MAP3K13: variants seen among roughly 807,000 people sequenced by gnomAD.
MAP3K13 encodes mitogen-activated protein kinase kinase kinase 13.
In MAP3K13, 52 loss-of-function variants were observed where a neutral mutation model predicts 104.0. The ratio of observed to expected loss-of-function variants is 0.50; its 90% CI spans 0.40 to 0.63. The LOEUF is 0.63. Among genes scored for constraint, MAP3K13 ranks in the 20% least tolerant of loss-of-function variants. The pLI is 0.00. For synonymous variants in MAP3K13, 394 were observed against 442.2 expected (o/e 0.89, Z 1.37); for missense variants, 914 against 1,218.5 (o/e 0.75, Z 3.72).
intron 1 of MAP3K13, among the ~76,000 whole-genome samples, chr3:185,416,686 T>G (rs937475600): frequency 3.2e-4 from 49 of 152,132 alleles, no homozygotes; most frequent in African/African-American, 9.2e-4. Flanking sequence ...TGGAGTACAG[T>G]GGCGCAATCA....
intron 2 of MAP3K13, among the ~76,000 whole-genome samples, chr3:185,319,126 T>A (rs564363954): frequency 8.6e-5 from 13 of 151,850 alleles, no homozygotes; most frequent in South Asian, 8.4e-4. Flanking sequence ...TGCCTTTTTT[T>A]AAAAAAAAAT....
intron 2 of MAP3K13, among the ~76,000 whole-genome samples, chr3:185,331,452 T>TA (rs1449067797): frequency 6.6e-6 from 1 of 152,010 alleles, no homozygotes; most frequent in African/African-American, 2.4e-5. Context: ...TTTTATAAAT[T>TA]AAAAAATGTG....
At position 185,482,726 on chromosome 3, in the gene MAP3K13, T is replaced by G. The variant is rs1718535901; in HGVS notation, c.*270T>G. ...ATTGAATATTCTAGCTACTGTAACATTGATATTTATTTTTGTTTGACATTT... is the reference window on the plus strand; with the variant it reads ...ATTGAATATTCTAGCTACTGTAACAGTGATATTTATTTTTGTTTGACATTT... On this transcript the variant is annotated 3_prime_UTR_variant, in exon 14 of 14. Coordinates refer to ENST00000265026, the MANE Select transcript of MAP3K13 (RefSeq NM_004721.5). This position sits in a 1 kb window ranked among gnomAD's most constrained non-coding sequence, Gnocchi z 4.5. 1 of 354,486 alleles carries G rather than the reference T, an allele frequency of 2.8e-6. No homozygotes were observed. The allele number at this position is 354,486 out of a possible 1,614,324, so 22.0% of individuals were successfully genotyped here. A position where few individuals can be genotyped will look rare whatever the true frequency, so the allele number is the denominator to read the frequency against.
rs115727727 is a variant in MAP3K13, at chr3:185,434,420, A to G, written c.476-3027A>G. Among the ~76,000 whole-genome samples the G allele has an allele frequency of 9.0e-3, 1,372 of 152,316 alleles. 21 individuals carry two copies. The highest frequency in any genetic ancestry group is 0.031 in the African/African-American group (1,285 of 41,568). Reference sequence around the variant, plus strand: ...ACTGCCAACATGTTCATACCTTGCTATTGTGAGCGAAACTATCAAAATCCT... The same window carrying G: ...ACTGCCAACATGTTCATACCTTGCTGTTGTGAGCGAAACTATCAAAATCCT... On this transcript the variant is annotated intron_variant, in intron 2 of 13. Coordinates refer to ENST00000265026, the MANE Select transcript of MAP3K13 (RefSeq NM_004721.5).
chr3:185,395,235 C>T (rs1712310734), intron 1 of MAP3K13, among the ~76,000 whole-genome samples: 1 of 151,830 alleles, frequency 6.6e-6, no homozygotes, highest in African/African-American at 2.4e-5. Flanking sequence ...TCCACTATAC[C>T]AAACTACCAT....
intron 10 of MAP3K13, among the ~76,000 whole-genome samples, chr3:185,470,178 A>C (rs1480044256): frequency 2.0e-5 from 3 of 152,196 alleles, no homozygotes; most frequent in Non-Finnish European, 4.4e-5. Flanking sequence ...AAAACAAAAA[A>C]GTCTGGGCCC....
chr3:185,389,801 G>T (rs201283583), intron 1 of MAP3K13, among the ~76,000 whole-genome samples: 21 of 19,714 alleles, frequency 1.1e-3, no homozygotes, highest in Non-Finnish European at 2.6e-3. Flanking sequence ...AATTTGTTAA[G>T]TATTTATTAA....
At chr3:185,311,644 T>C (rs1721498440) in intron 2 of MAP3K13, among the ~76,000 whole-genome samples, 2 of 152,152 alleles carry the variant, frequency 1.3e-5, no homozygotes, top group Non-Finnish European at 2.9e-5. Flanking sequence ...GTCCCCCAAA[T>C]TGGTATGTAG....
chr3:185,308,015 T>TTC (rs1721360353), intron 2 of MAP3K13, among the ~76,000 whole-genome samples: 1 of 144,140 alleles, frequency 6.9e-6, no homozygotes, highest in African/African-American at 2.5e-5. Flanking sequence ...GGGTCTTTTT[T>TTC]TTTTTTTTTT....
At chr3:185,412,659 C>A (rs1713518907) in intron 1 of MAP3K13, among the ~76,000 whole-genome samples, 2 of 152,172 alleles carry the variant, frequency 1.3e-5, no homozygotes, top group South Asian at 4.1e-4. Context: ...CTCAGGACTA[C>A]TTCTGTGAGC....
chr3:185,306,292 A>G (rs1405703247), intron 2 of MAP3K13, among the ~76,000 whole-genome samples: 1 of 152,192 alleles, frequency 6.6e-6, no homozygotes, highest in Non-Finnish European at 1.5e-5. Context: ...TTGGATGTAT[A>G]CCCAGAAATG....
intron 2 of MAP3K13, chr3:185,328,978 T>TA (rs887486987): frequency 5.7e-5 from 23 of 400,386 alleles, no homozygotes; most frequent in African/African-American, 1.4e-4. Flanking sequence ...TAGTTTTTTT[T>TA]AAAAAAAACT....
chr3:185,388,362 T>C (rs1230120916), intron 1 of MAP3K13, among the ~76,000 whole-genome samples: 1 of 151,862 alleles, frequency 6.6e-6, no homozygotes, highest in Non-Finnish European at 1.5e-5. Flanking sequence ...AGTAGCCGGA[T>C]GTGGTGGCAT....
intron 1 of MAP3K13, among the ~76,000 whole-genome samples, chr3:185,369,367 T>C (rs1259483515): frequency 6.6e-6 from 1 of 152,238 alleles, no homozygotes; most frequent in East Asian, 1.9e-4. Context: ...AAAGAGAGTT[T>C]CTTCTAAGTC....
At position 185,485,939 on chromosome 3, in the gene MAP3K13, A is replaced by C. The variant is rs1331568316; in HGVS notation, c.*3483A>C. 1 of 152,188 alleles carries C rather than the reference A, an allele frequency of 6.6e-6. No individual in the cohort carries two copies. Among genetic ancestry groups the C allele is most frequent in the Admixed American group, 6.5e-5 (1 of 15,284 alleles). The allele number at this position is 152,188 out of a possible 1,614,324, so 9.4% of individuals were successfully genotyped here. ...ACTTAGAGGACCAACGACTGGAAAA[A>C]AATTCTTGAAAGGCTATATTTTCCA... On this transcript the variant is annotated 3_prime_UTR_variant, in exon 14 of 14. Transcript: ENST00000265026.
chr3:185,349,235 TG>T (rs1432424623), intron 2 of MAP3K13, among the ~76,000 whole-genome samples: 1 of 152,164 alleles, frequency 6.6e-6, no homozygotes, highest in African/African-American at 2.4e-5. Context: ...ATGCTAATAT[TG>T]AACTTAATAC....
chr3:185,314,163 T>C (rs891336779), intron 2 of MAP3K13, among the ~76,000 whole-genome samples: 2 of 152,216 alleles, frequency 1.3e-5, no homozygotes, highest in Non-Finnish European at 2.9e-5. Flanking sequence ...ATTCAAGCAC[T>C]CATTCTTTGG....
intron 7 of MAP3K13, among the ~76,000 whole-genome samples, chr3:185,458,881 A>G (rs568878906): frequency 6.6e-6 from 1 of 152,364 alleles, no homozygotes; most frequent in South Asian, 2.1e-4. Context: ...ACCGATTTCA[A>G]TACAATGTTA....
At chr3:185,363,462 A>T in intron 1 of MAP3K13, 94 bp downstream of exon 1, 1 of 642,332 alleles carries the variant, frequency 1.6e-6, no homozygotes, top group Non-Finnish European at 1.9e-6. Flanking sequence ...GAAAGCTGAT[A>T]TTATTGAGGG....
Sources: gnomAD v4.1 joint callset for allele counts (sites outside exome capture counted in the v4.1 genomes callset) on GRCh38, gnomAD v4.1.1 for gene constraint, Gnocchi (gnomAD v3.1) non-coding constraint, MANE v1.5 for transcripts, NCBI Gene and HGNC (gene_info 2026-07-23, HGNC 2026-07-21) for gene names.